The following SMURF1 variants were observed in gnomAD, a reference collection of about 807,000 sequenced individuals.
The protein encoded by SMURF1 is SMAD specific E3 ubiquitin protein ligase 1, also known as E3 ubiquitin-protein ligase SMURF1.
In SMURF1, 44 loss-of-function variants were observed where a neutral mutation model predicts 98.0. That is an observed-to-expected ratio of 0.45 (90% confidence interval 0.35 to 0.58). The LOEUF is 0.58. Ranked by LOEUF, SMURF1 falls within the 20% of genes least tolerant of loss-of-function variation. The pLI is 0.00. For missense variants in SMURF1, 687 were observed against 938.4 expected (o/e 0.73, Z 3.50); for synonymous variants, 396 against 374.9 (o/e 1.06, Z -0.65).
chr7:99,059,357 C>G (rs1312784496), intron 3 of SMURF1, among the ~76,000 whole-genome samples: 1 of 144,538 alleles, frequency 6.9e-6, no homozygotes, highest in African/African-American at 2.6e-5. Flanking sequence ...GAGATCCCGC[C>G]ACTGCACTCC....
intron 13 of SMURF1, among the ~76,000 whole-genome samples, chr7:99,039,982 C>T (rs1795309330): frequency 6.6e-6 from 1 of 152,226 alleles, no homozygotes; most frequent in Non-Finnish European, 1.5e-5. Context: ...ACACACCCCA[C>T]AACGGGCCTG....
At chr7:99,051,503 A>C in intron 7 of SMURF1, 62 bp from the exon 8 acceptor site, 1 of 1,259,348 alleles carries the variant, frequency 7.9e-7, no homozygotes. Context: ...TTTGTAACCA[A>C]CCCTCGATGC....
At chr7:99,045,877 G>T in intron 10 of SMURF1, 76 bp from the exon 11 acceptor site, 2 of 1,153,762 alleles carry the variant, frequency 1.7e-6, no homozygotes, top group Non-Finnish European at 2.6e-6. Context: ...TGATAATGGA[G>T]CCCGGTTAAG....
At chr7:99,097,992 A>G (rs1483044434) in intron 1 of SMURF1, among the ~76,000 whole-genome samples, 1 of 151,842 alleles carries the variant, frequency 6.6e-6, no homozygotes. Flanking sequence ...CAAGAGAAAA[A>G]TGAAGATCTT....
chr7:99,059,961 T>C (rs116872615), intron 3 of SMURF1, among the ~76,000 whole-genome samples: 114 of 150,806 alleles, frequency 7.6e-4, no homozygotes, highest in Non-Finnish European at 1.2e-3. Context: ...AGGTTTAGGG[T>C]TTTGCTGAAA....
chr7:99,033,039 G>A lies in SMURF1; in HGVS notation c.2094C>T (p.Thr698=), dbSNP rs980845609. ...GACTTCCTGGCCGCGGTGCTTACCA[G>A]GTATGGGCCTTCGGAAGGTTGTCTG... The part of the protein sequence containing the change: ...ANTDNLPKAH[T]CFNRIDIPPY... The change falls in exon 17 of 18, where the codon ACC becomes ACT. Residue 698 remains threonine, a splice_region_variant and synonymous_variant. Transcript: ENST00000361368. The A allele has an allele frequency of 6.3e-7, 1 of 1,599,050 alleles. No individual in the cohort carries two copies. Among genetic ancestry groups the A allele is most frequent in the Non-Finnish European group, 8.5e-7 (1 of 1,172,154 alleles).
chr7:99,094,769 T>C (rs182814233), intron 1 of SMURF1, among the ~76,000 whole-genome samples: 242 of 152,260 alleles, frequency 1.6e-3, no homozygotes, highest in Non-Finnish European at 2.8e-3. Flanking sequence ...GTCAGAGCCC[T>C]TTAGAAATGG....
chr7:99,043,365 G>T (rs950178395), intron 11 of SMURF1, among the ~76,000 whole-genome samples: 2 of 152,134 alleles, frequency 1.3e-5, no homozygotes, highest in Non-Finnish European at 2.9e-5. Flanking sequence ...TCTCTCCACC[G>T]TTCTCTAAGT....
chr7:99,097,398 A>G (rs1209617235), intron 1 of SMURF1, among the ~76,000 whole-genome samples: 1 of 152,194 alleles, frequency 6.6e-6, no homozygotes, highest in Non-Finnish European at 1.5e-5. Context: ...TTCATCTTCA[A>G]TGCAACTGTG....
chr7:99,130,774 T>C (rs1797856058), intron 1 of SMURF1, among the ~76,000 whole-genome samples: 1 of 152,246 alleles, frequency 6.6e-6, no homozygotes, highest in Non-Finnish European at 1.5e-5. Flanking sequence ...GGCATCCATA[T>C]TCCTGTTCCC....
intron 1 of SMURF1, among the ~76,000 whole-genome samples, chr7:99,128,540 A>C (rs1177188616): frequency 6.6e-6 from 1 of 152,252 alleles, no homozygotes; most frequent in Non-Finnish European, 1.5e-5. Flanking sequence ...AGCGTATTAC[A>C]TAGCAACTTT....
At chr7:99,063,028 T>C (rs1796071344) in intron 1 of SMURF1, among the ~76,000 whole-genome samples, 1 of 151,620 alleles carries the variant, frequency 6.6e-6, no homozygotes, top group East Asian at 1.9e-4. Flanking sequence ...TTGTCTTTTG[T>C]ACTGCTTCAC....
At chr7:99,116,272 C>T (rs1044314248) in intron 1 of SMURF1, among the ~76,000 whole-genome samples, 2 of 152,034 alleles carry the variant, frequency 1.3e-5, no homozygotes, top group Non-Finnish European at 2.9e-5. Context: ...ATAGAAACTC[C>T]CTCAACTAGA....
At chr7:99,120,867 G>C (rs1248703110) in intron 1 of SMURF1, 3 of 149,048 alleles carry the variant, frequency 2.0e-5, no homozygotes, top group Admixed American at 2.0e-4. Flanking sequence ...GGGAAGTGAA[G>C]CTGGCATTAT....
intron 1 of SMURF1, among the ~76,000 whole-genome samples, chr7:99,094,427 C>T (rs967375062): frequency 1.3e-5 from 2 of 152,122 alleles, no homozygotes; most frequent in Non-Finnish European, 2.9e-5. Flanking sequence ...TCTGAAGTCA[C>T]TTGAATTTAT....
chr7:99,125,916 A>G (rs1236142491), intron 1 of SMURF1, among the ~76,000 whole-genome samples: 1 of 151,994 alleles, frequency 6.6e-6, no homozygotes, highest in African/African-American at 2.4e-5. Context: ...CCTGCCTGGC[A>G]CCTCTTCTGT....
In SMURF1 at chr7:99,027,893, G is replaced by C. The variant is rs192720913; in HGVS notation, c.*2691C>G. On this transcript the variant is annotated 3_prime_UTR_variant, in exon 18 of 18. Coordinates refer to ENST00000361368, the MANE Select transcript of SMURF1 (RefSeq NM_181349.3). ...TAATCTGAATTTGGACCATACGTCC[G>C]AACAAGCTCAGGGGTCGAAATTCGA... 1.3e-5 allele frequency: 2 copies of C among 152,600 alleles called. No homozygotes were observed. Among genetic ancestry groups the C allele is most frequent in the Non-Finnish European group, 2.9e-5 (2 of 68,042 alleles). 9.5% of individuals were successfully genotyped at this position (152,600 alleles called of 1,614,324 possible). A position where few individuals can be genotyped will look rare whatever the true frequency, so the allele number is the denominator to read the frequency against.
chr7:99,103,073 G>A (rs2150592634), intron 1 of SMURF1, among the ~76,000 whole-genome samples: 1 of 152,180 alleles, frequency 6.6e-6, no homozygotes, highest in East Asian at 1.9e-4. Flanking sequence ...AAAGTACTGA[G>A]ATTACACGTA....
intron 1 of SMURF1, among the ~76,000 whole-genome samples, chr7:99,083,019 CAGT>C (rs549585288): frequency 3.0e-4 from 45 of 151,618 alleles, no homozygotes; most frequent in Non-Finnish European, 5.6e-4. Flanking sequence ...TTTTTATTTT[CAGT>C]AGATTAGGGT....
Sources: gnomAD v4.1 joint callset for allele counts (sites outside exome capture counted in the v4.1 genomes callset) on GRCh38, gnomAD v4.1.1 for gene constraint, MANE v1.5 for transcripts, NCBI Gene and HGNC (gene_info 2026-07-23, HGNC 2026-07-21) for gene names.